The following PRRG1 variants were observed in gnomAD, a reference collection of about 807,000 sequenced individuals.
The protein encoded by PRRG1 is transmembrane gamma-carboxyglutamic acid protein 1.
PRRG1 carries 5 observed loss-of-function variants against 11.8 expected under a neutral mutation model. The ratio of observed to expected loss-of-function variants is 0.42; its 90% confidence interval spans 0.22 to 0.89. PRRG1 has a LOEUF of 0.89. Ranked by LOEUF, PRRG1 falls within the 40% of genes least tolerant of loss-of-function variation. The pLI is 0.28. For missense variants in PRRG1, 155 were observed against 166.1 expected (o/e 0.93, Z 0.37); for synonymous variants, 66 against 60.4 (o/e 1.09, Z -0.43).
chrX:37,445,662 CTG>C (rs1302483599), intron 3 of PRRG1, among the ~76,000 whole-genome samples: 4 of 112,922 alleles, frequency 3.5e-5, no homozygotes, highest in African/African-American at 1.3e-4. Flanking sequence ...TTTCTCATTT[CTG>C]TTTATGTTCC....
At chrX:37,440,001 T>C (rs1932947121) in intron 3 of PRRG1, among the ~76,000 whole-genome samples, 1 of 109,773 alleles carries the variant, frequency 9.1e-6, no homozygotes, top group Non-Finnish European at 1.9e-5. Context: ...GGTTTCACCA[T>C]GTTGGCCAGG....
At chrX:37,413,172 A>G (rs1932396506) in intron 2 of PRRG1, among the ~76,000 whole-genome samples, 1 of 111,112 alleles carries the variant, frequency 9.0e-6, no homozygotes, top group Admixed American at 9.5e-5. Flanking sequence ...CATAATTTAC[A>G]TTAGGGTTCA....
At chrX:37,372,790 T>C (rs1172003050) in intron 1 of PRRG1, among the ~76,000 whole-genome samples, 1 of 113,001 alleles carries the variant, frequency 8.8e-6, no homozygotes, top group Admixed American at 9.3e-5. Context: ...AGAAACTTTT[T>C]AGTTTGATGA....
chrX:37,370,800 C>T (rs781983481), intron 1 of PRRG1, among the ~76,000 whole-genome samples: 4 of 112,005 alleles, frequency 3.6e-5, no homozygotes, highest in Non-Finnish European at 7.5e-5. Context: ...GGCCTTTCCC[C>T]ACTCCTGGTA....
At chrX:37,421,911 T>G (rs782603673) in intron 2 of PRRG1, among the ~76,000 whole-genome samples, 1 of 112,108 alleles carries the variant, frequency 8.9e-6, no homozygotes, top group Admixed American at 9.5e-5. Context: ...TATCTTCTAA[T>G]GGACTGGATT....
chrX:37,399,375 C>T (rs1178649951), intron 1 of PRRG1, among the ~76,000 whole-genome samples: 2 of 107,650 alleles, frequency 1.9e-5, no homozygotes, highest in African/African-American at 6.8e-5. Context: ...CATATCCAGC[C>T]AAACTAAGCT....
In PRRG1 at chrX:37,406,103, G is replaced by A. The variant is rs1556381939; in HGVS notation, c.-41-106G>A. 3 of 646,933 alleles carry A rather than the reference G, an allele frequency of 4.6e-6. No individual in the cohort carries two copies. In the African/African-American group the frequency reaches 6.8e-5, roughly 15 times the overall value. 53.3% of individuals were successfully genotyped at this position (646,933 alleles called of 1,213,427 possible). ...TAAGGGAGAAAGATTGGAATGTACTGAAATGAAATGCTCACATTGACCACA... is the reference window on the plus strand; with the variant it reads ...TAAGGGAGAAAGATTGGAATGTACTAAAATGAAATGCTCACATTGACCACA... On this transcript the variant is annotated intron_variant, in intron 1 of 3. Transcript: ENST00000378628.
At chrX:37,427,900 C>A (rs1285899915) in intron 3 of PRRG1, among the ~76,000 whole-genome samples, 1 of 111,935 alleles carries the variant, frequency 8.9e-6, no homozygotes, top group Non-Finnish European at 1.9e-5. Context: ...ATTGGACTTA[C>A]AGTTCCGCAT....
rs368278825 is a variant in PRRG1, at chrX:37,407,465, G to A, written c.10+1206G>A. The stretch of plus-strand genomic sequence containing the variant: ...TTGAAGGATCTCAGAGGAAGATTTG[G>A]TGTGTGGTGTGGTATAGTACAGTGA... On this transcript the variant is annotated intron_variant, in intron 2 of 3. Coordinates refer to ENST00000378628, the MANE Select transcript of PRRG1 (RefSeq NM_001142395.2). Among the ~76,000 whole-genome samples the A allele has an allele frequency of 1.9e-4, 21 of 111,467 alleles. No individual in the cohort carries two copies. In the East Asian group the frequency reaches 3.9e-3, roughly 21 times the overall value.
Position 37,403,749 on chromosome X carries a change from A to G in PRRG1, c.-41-2460A>G, listed in dbSNP as rs1442432628. The G allele has an allele frequency of 5.3e-6, 4 of 751,769 alleles. No individual in the cohort carries two copies. The African/African-American group carries it at 9.3e-5, about 17-fold the overall frequency. The allele number at this position is 751,769 out of a possible 1,213,427, so 62.0% of individuals were successfully genotyped here. On this transcript the variant is annotated intron_variant, in intron 1 of 3. Coordinates refer to ENST00000378628, the MANE Select transcript of PRRG1 (RefSeq NM_001142395.2). ...TAGAACAGCAGAGGATCCGAATGGA[A>G]AGATCATTCCATCAGAAGAAGCAAG...
At chrX:37,388,619 C>T (rs1556375816) in intron 1 of PRRG1, among the ~76,000 whole-genome samples, 1 of 113,298 alleles carries the variant, frequency 8.8e-6, no homozygotes, top group African/African-American at 3.2e-5. Context: ...GGAGCAGTGT[C>T]CCCCGGCTGC....
At chrX:37,432,307 C>T (rs782228366) in intron 3 of PRRG1, among the ~76,000 whole-genome samples, 1 of 89,692 alleles carries the variant, frequency 1.1e-5, no homozygotes, top group African/African-American at 8.1e-5. Flanking sequence ...AGGATGGTCT[C>T]GATCTCCTGA....
chrX:37,413,635 T>A (rs991603644), intron 2 of PRRG1, among the ~76,000 whole-genome samples: 1 of 111,733 alleles, frequency 8.9e-6, no homozygotes. Flanking sequence ...TATTGCTCCA[T>A]GTCCTTGCCA....
chrX:37,353,608 C>T (rs782172695), intron 1 of PRRG1, among the ~76,000 whole-genome samples: 1 of 111,771 alleles, frequency 8.9e-6, no homozygotes, highest in Admixed American at 9.5e-5. Flanking sequence ...ATGGTAAGTG[C>T]CCTATACAGA....
chrX:37,364,713 C>T (rs5918416), intron 1 of PRRG1, among the ~76,000 whole-genome samples: 21,978 of 111,144 alleles, frequency 0.2, 2,503 homozygotes, highest in African/African-American at 0.43. Context: ...ACCTCCCTCC[C>T]TGGACCTATC....
chrX:37,433,988 T>G (rs1932858391), intron 3 of PRRG1, among the ~76,000 whole-genome samples: 1 of 112,424 alleles, frequency 8.9e-6, no homozygotes, highest in African/African-American at 3.2e-5. Context: ...ACAATGTTTG[T>G]TATCTGTTAA....
intron 2 of PRRG1, among the ~76,000 whole-genome samples, chrX:37,420,973 C>A (rs1004905928): frequency 8.9e-6 from 1 of 111,780 alleles, no homozygotes; most frequent in Non-Finnish European, 1.9e-5. Context: ...GAAGAACATC[C>A]GTCATGTTCA....
intron 1 of PRRG1, among the ~76,000 whole-genome samples, chrX:37,359,356 G>GT (rs1238754429): frequency 9.1e-6 from 1 of 109,438 alleles, no homozygotes; most frequent in East Asian, 2.8e-4. Flanking sequence ...ATGAATCAGT[G>GT]TTGGATTTTG....
chrX:37,369,501 T>G (rs1556370264), intron 1 of PRRG1, among the ~76,000 whole-genome samples: 2 of 112,069 alleles, frequency 1.8e-5, no homozygotes, highest in Non-Finnish European at 1.9e-5. Flanking sequence ...ATCTACTTTC[T>G]CAGCAATTTT....
Sources: allele counts gnomAD v4.1 joint callset (sites outside exome capture counted in the v4.1 genomes callset), GRCh38; gene constraint gnomAD v4.1.1; transcripts MANE v1.5; gene names NCBI Gene and HGNC (gene_info 2026-07-23, HGNC 2026-07-21).